The following STAG1 variants were observed in gnomAD, a reference collection of about 807,000 sequenced individuals.
STAG1 encodes cohesin subunit SA-1.
A neutral mutation model predicts 170.9 loss-of-function variants in STAG1; 26 were observed. That is an observed-to-expected ratio of 0.15 (90% CI 0.11 to 0.21). STAG1 has a LOEUF of 0.21. Ranked by LOEUF, STAG1 falls within the 10% of genes least tolerant of loss-of-function variation. The probability of loss-of-function intolerance (pLI) is 1.00; values close to 1 mark genes in which losing one functional copy is unlikely to be tolerated. For missense variants in STAG1, 964 were observed against 1,509.5 expected, an observed-to-expected ratio of 0.64 and a Z score of 5.99; for synonymous variants, 514 against 497.7, an observed-to-expected ratio of 1.03 and a Z score of -0.44.
chr3:136,365,712 G>A (rs1262972078), intron 25 of STAG1, among the ~76,000 whole-genome samples: 1 of 152,004 alleles, frequency 6.6e-6, no homozygotes, highest in Non-Finnish European at 1.5e-5. Flanking sequence ...TAATGCCTGC[G>A]AATATTTGGA....
chr3:136,376,267 T>C (rs1324477315), intron 23 of STAG1, among the ~76,000 whole-genome samples: 1 of 152,012 alleles, frequency 6.6e-6, no homozygotes, highest in African/African-American at 2.4e-5. Flanking sequence ...AAATAAGAAA[T>C]AGTATGGAAA....
At chr3:136,346,970 A>G (rs1936247170) in intron 29 of STAG1, among the ~76,000 whole-genome samples, 1 of 151,472 alleles carries the variant, frequency 6.6e-6, no homozygotes, top group Admixed American at 6.6e-5. Context: ...GTGGTGGCAC[A>G]TGCCTGTAGT....
intron 6 of STAG1, among the ~76,000 whole-genome samples, chr3:136,523,302 C>T (rs932414449): frequency 2.6e-5 from 4 of 152,118 alleles, no homozygotes; most frequent in Non-Finnish European, 5.9e-5. Flanking sequence ...TTTTGATTTG[C>T]ATTTCTCTGA....
intron 1 of STAG1, among the ~76,000 whole-genome samples, chr3:136,665,733 T>TCTC (rs529122915): frequency 5.3e-4 from 73 of 137,680 alleles, no homozygotes; most frequent in African/African-American, 1.9e-3. Flanking sequence ...TGAGCCAAGA[T>TCTC]CACGCCACTG....
rs1197756571 is a variant in STAG1 at position 136,422,837 on chromosome 3, C to A, written c.1764G>T (p.Lys588Asn). 1.9e-6 allele frequency: 3 copies of A among 1,609,686 alleles called. No homozygotes were observed. ...GTGGGATTTGTAGCAAGTTTGCTAC[C>A]TTCTCTGCATCTGCAGAATACTAGA... is the stretch of plus-strand genomic sequence containing the variant. ...LLSKYSADAE[K>N]VANLLQIPQY... The change falls in exon 18 of 34, where the codon AAG becomes AAT. Residue 588 changes from lysine (K) to asparagine (N), a missense_variant. Lys to Asn is a moderately conservative substitution (Grantham distance 94). Around this residue, in one of 11 missense-constraint regions of STAG1, gnomAD observed 232 missense variants for 313.0 expected, o/e 0.74. Transcript: ENST00000383202.
At chr3:136,553,467 G>T (rs1385915414) in intron 5 of STAG1, among the ~76,000 whole-genome samples, 1 of 152,106 alleles carries the variant, frequency 6.6e-6, no homozygotes, top group African/African-American at 2.4e-5. Context: ...CAGAAAACCA[G>T]AAATAAAGAG....
chr3:136,381,647 A>C (rs1257930873), intron 22 of STAG1, among the ~76,000 whole-genome samples: 1 of 152,208 alleles, frequency 6.6e-6, no homozygotes, highest in Non-Finnish European at 1.5e-5. Context: ...GGCTGATAGA[A>C]GTCTTTTAAG....
chr3:136,368,731 CTATA>C (rs1304144545), intron 24 of STAG1, among the ~76,000 whole-genome samples: 3 of 152,172 alleles, frequency 2.0e-5, no homozygotes, highest in East Asian at 1.9e-4. Flanking sequence ...ACAGAGCTCT[CTATA>C]TAACGACAGG....
At chr3:136,564,629 A>C (rs2107756228) in intron 5 of STAG1, among the ~76,000 whole-genome samples, 1 of 152,292 alleles carries the variant, frequency 6.6e-6, no homozygotes, top group South Asian at 2.1e-4. Context: ...ATATTAAGAA[A>C]ATATGCTTCT....
chr3:136,342,650 T>G (rs1936030386), intron 30 of STAG1, among the ~76,000 whole-genome samples: 1 of 152,270 alleles, frequency 6.6e-6, no homozygotes, highest in East Asian at 1.9e-4. Flanking sequence ...CCCATACATT[T>G]ATAGGATGTA....
intron 1 of STAG1, chr3:136,737,099 G>T: frequency 1.1e-6 from 1 of 917,902 alleles, no homozygotes; most frequent in East Asian, 2.4e-5. Context: ...AACCAGGACA[G>T]GTCAGTCTTT....
chr3:136,581,336 C>T (rs1366357189), intron 4 of STAG1, among the ~76,000 whole-genome samples: 4 of 152,282 alleles, frequency 2.6e-5, no homozygotes, highest in African/African-American at 9.6e-5. Context: ...TTTCTTGCCA[C>T]TTACATGTAG....
intron 3 of STAG1, among the ~76,000 whole-genome samples, chr3:136,613,985 C>T (rs187419431): frequency 5.9e-5 from 9 of 151,838 alleles, no homozygotes; most frequent in Non-Finnish European, 1.2e-4. Context: ...GAGGCTGATG[C>T]GGATGGATTA....
At position 136,430,806 on chromosome 3, in the gene STAG1, GACACACACACACACAC is replaced by G. The variant is rs35492621; in HGVS notation, c.1650+2734_1650+2749del. Among the ~76,000 whole-genome samples the G allele has an allele frequency of 3.7e-3, 479 of 131,156 alleles. 3 individuals are homozygous for G. The highest frequency in any genetic ancestry group is 0.012 in the African/African-American group (432 of 34,826). The allele number at this position is 131,156 out of a possible 152,430, so 86.0% of individuals were successfully genotyped here. On this transcript the variant is annotated intron_variant, in intron 16 of 33. Coordinates refer to ENST00000383202, the MANE Select transcript of STAG1 (RefSeq NM_005862.3). ...TAAGAGAAGGAAACAGACATAGACA[GACACACACACACACAC>G]ACACACACACACACACACACACACA...
chr3:136,449,227 C>T (rs1222389788), intron 14 of STAG1, among the ~76,000 whole-genome samples: 1 of 151,948 alleles, frequency 6.6e-6, no homozygotes, highest in East Asian at 1.9e-4. Flanking sequence ...CAACCAGAAA[C>T]CTTTCAATAC....
intron 3 of STAG1, among the ~76,000 whole-genome samples, chr3:136,607,290 C>G (rs1031098665): frequency 1.3e-5 from 2 of 152,162 alleles, no homozygotes; most frequent in African/African-American, 4.8e-5. Context: ...AATTATAATT[C>G]TCTCACATGG....
intron 6 of STAG1, among the ~76,000 whole-genome samples, chr3:136,526,517 A>ACAG (rs1400112720): frequency 1.3e-5 from 2 of 152,156 alleles, no homozygotes; most frequent in African/African-American, 4.8e-5. Context: ...TCTCCTGAAT[A>ACAG]CAGCACACTG....
At chr3:136,706,065 G>C (rs1943220568) in intron 1 of STAG1, among the ~76,000 whole-genome samples, 1 of 152,084 alleles carries the variant, frequency 6.6e-6, no homozygotes, top group Non-Finnish European at 1.5e-5. Context: ...GTGAGACCCT[G>C]TCTCAGAAAT....
rs1030091774 is a variant in STAG1, at chr3:136,575,955, T to C, written c.298-7094A>G. Reference sequence around the variant, plus strand: ...AAAAGGAAAAATAACTTTTGGTAGATAGCAAGTCACCTCTGCCAAAAACTG... The same window carrying C: ...AAAAGGAAAAATAACTTTTGGTAGACAGCAAGTCACCTCTGCCAAAAACTG... On this transcript the variant is annotated intron_variant, in intron 4 of 33. Transcript: ENST00000383202. Among the ~76,000 whole-genome samples, 45 of 152,322 alleles carry C rather than the reference T, an allele frequency of 3.0e-4. 1 individual carries two copies. Among genetic ancestry groups the C allele is most frequent in the African/African-American group, 1.0e-3 (43 of 41,578 alleles).
Sources: allele counts gnomAD v4.1 joint callset (sites outside exome capture counted in the v4.1 genomes callset), GRCh38; gene constraint gnomAD v4.1.1; regional missense constraint gnomAD v4.1.1; transcripts MANE v1.5; gene names NCBI Gene and HGNC (gene_info 2026-07-23, HGNC 2026-07-21).